The following USH2A variants were observed in gnomAD, a reference collection of about 807,000 sequenced individuals.
USH2A encodes the protein usherin, also known as Usher syndrome 2A (autosomal recessive, mild).
Under a neutral mutation model 538.9 loss-of-function variants are expected in USH2A, and 443 were observed. That is an observed-to-expected ratio of 0.82 (90% CI 0.76 to 0.89). The LOEUF (loss-of-function observed/expected upper bound fraction) is 0.89. USH2A is among the 40% of genes least tolerant of loss of function. The pLI, the probability that USH2A is intolerant of heterozygous loss-of-function variation, is 0.00. For synonymous variants in USH2A, 2,413 were observed against 2,273.5 expected (o/e 1.06, Z -1.75); for missense variants, 6,633 against 6,324.8 (o/e 1.05, Z -1.65).
At chr1:215,711,418 T>G (rs552543473) in intron 61 of USH2A, among the ~76,000 whole-genome samples, 3 of 152,126 alleles carry the variant, frequency 2.0e-5, no homozygotes, top group Non-Finnish European at 4.4e-5. Flanking sequence ...TCTTTCTGCT[T>G]TAGGAAGGAA....
intron 30 of USH2A, among the ~76,000 whole-genome samples, chr1:216,067,263 C>T (rs149507634): frequency 4.3e-4 from 66 of 151,908 alleles, no homozygotes; most frequent in African/African-American, 5.1e-4. Flanking sequence ...GCCTGTCGAG[C>T]GGTGGAGGGT....
At chr1:216,031,241 A>T (rs1214361038) in intron 32 of USH2A, among the ~76,000 whole-genome samples, 1 of 152,060 alleles carries the variant, frequency 6.6e-6, no homozygotes, top group Non-Finnish European at 1.5e-5. Context: ...TGCTTTTATA[A>T]TGATGTCACT....
In USH2A at chr1:216,155,539, C is replaced by A. The variant is rs75146261; in HGVS notation, c.4627+19713G>T. On this transcript the variant is annotated intron_variant, in intron 21 of 71. Transcript: ENST00000307340. Reference sequence around the variant, plus strand: ...TAATACAGGAGGACCATTTTCCATGCTCTTATGATTTCATCTTCAACTTAT... The same window carrying A: ...TAATACAGGAGGACCATTTTCCATGATCTTATGATTTCATCTTCAACTTAT... Among the ~76,000 whole-genome samples the A allele has an allele frequency of 3.0e-3, 458 of 152,242 alleles. 1 individual carries two copies. Among genetic ancestry groups the A allele is most frequent in the African/African-American group, 0.011 (441 of 41,554 alleles).
intron 56 of USH2A, among the ~76,000 whole-genome samples, chr1:215,761,658 T>G (rs897806538): frequency 1.2e-4 from 19 of 152,334 alleles, no homozygotes; most frequent in African/African-American, 4.6e-4. Flanking sequence ...GACTAAGATG[T>G]GGCTCACTTT....
At chr1:216,212,828 C>T (rs2035270167) in intron 15 of USH2A, among the ~76,000 whole-genome samples, 1 of 151,878 alleles carries the variant, frequency 6.6e-6, no homozygotes, top group Non-Finnish European at 1.5e-5. Context: ...ATTCTTACAT[C>T]CCAAGAATTA....
Position 215,889,055 on chromosome 1 carries a change from C to A in USH2A, c.7595-1G>T, listed in dbSNP as rs1553273421. 6.2e-7 allele frequency: 1 copy of A among 1,613,376 alleles called. No homozygotes were observed. The highest frequency in any genetic ancestry group is 1.7e-5 in the Admixed American group (1 of 60,018). On this transcript the variant is annotated splice_acceptor_variant, in intron 40 of 71. Coordinates refer to ENST00000307340, the MANE Select transcript of USH2A (RefSeq NM_206933.4). LOFTEE classifies it high-confidence loss of function. ...ATCGGAGGAACTACAGGTCCAGGTT[C>A]TGTAAAGTAAAATAAATCCAGAAAG...
intron 37 of USH2A, among the ~76,000 whole-genome samples, chr1:215,955,806 G>T (rs1667050314): frequency 6.6e-6 from 1 of 151,952 alleles, no homozygotes; most frequent in South Asian, 2.1e-4. Context: ...GGCTGTTCTT[G>T]GTATATAGAA....
intron 21 of USH2A, among the ~76,000 whole-genome samples, chr1:216,160,173 T>A (rs2034029236): frequency 6.6e-6 from 1 of 151,914 alleles, no homozygotes. Context: ...TTTCTTTTAT[T>A]CAAATATTTT....
chr1:215,848,773 C>T (rs149571303), intron 44 of USH2A, among the ~76,000 whole-genome samples: 1 of 152,134 alleles, frequency 6.6e-6, no homozygotes, highest in Non-Finnish European at 1.5e-5. Flanking sequence ...CTTGGAAGTC[C>T]AAAACATAGA....
At chr1:216,304,200 G>A (rs920579789) in intron 9 of USH2A, among the ~76,000 whole-genome samples, 1 of 151,982 alleles carries the variant, frequency 6.6e-6, no homozygotes, top group African/African-American at 2.4e-5. Context: ...TAGTAGTATA[G>A]TAAGTAGTCC....
intron 49 of USH2A, among the ~76,000 whole-genome samples, chr1:215,812,838 GGTT>G (rs1662734497): frequency 6.6e-6 from 1 of 152,198 alleles, no homozygotes; most frequent in Admixed American, 6.6e-5. Flanking sequence ...TGTCAAAAGA[GGTT>G]GATGCTTTTT....
intron 61 of USH2A, among the ~76,000 whole-genome samples, chr1:215,704,140 C>T (rs1006013780): frequency 6.6e-6 from 1 of 152,224 alleles, no homozygotes; most frequent in Non-Finnish European, 1.5e-5. Context: ...CCATGGGCTG[C>T]ACCCACTGTC....
intron 4 of USH2A, among the ~76,000 whole-genome samples, chr1:216,356,308 T>G (rs1390872511): frequency 6.6e-6 from 1 of 152,118 alleles, no homozygotes. Context: ...CTGGCTGAAC[T>G]TGTTACATTC....
At chr1:215,985,854 C>A (rs1291361396) in intron 35 of USH2A, among the ~76,000 whole-genome samples, 3 of 151,930 alleles carry the variant, frequency 2.0e-5, no homozygotes, top group Non-Finnish European at 2.9e-5. Flanking sequence ...AAACACTGAG[C>A]CAAATGTTTT....
At chr1:216,421,069 C>T (rs1197449705) in intron 2 of USH2A, among the ~76,000 whole-genome samples, 5 of 151,954 alleles carry the variant, frequency 3.3e-5, no homozygotes, top group Admixed American at 6.6e-5. Context: ...TTAAAATCTC[C>T]AGGTTGGCAA....
Position 215,741,515 on chromosome 1 carries a change from C to T in USH2A, c.11571G>A (p.Arg3857=), listed in dbSNP as rs1220012995. ...CQNGSCGVSS[R]MFVKTPEAAP... ...CTGCTTCAGGTGTTTTGACAAACAT[C>T]CTACTGCTAACTCCACAACTTCCTT... is the stretch of plus-strand genomic sequence containing the variant. The change falls in exon 60 of 72, where the codon AGG becomes AGA. Residue 3857 remains arginine (R), a synonymous_variant. Coordinates refer to ENST00000307340, the MANE Select transcript of USH2A (RefSeq NM_206933.4). The T allele has an allele frequency of 2.5e-6, 4 of 1,613,048 alleles. No homozygotes were observed. The highest frequency in any genetic ancestry group is 2.5e-6 in the Non-Finnish European group (3 of 1,179,740).
At chr1:215,661,470 C>A (rs1657433248) in intron 64 of USH2A, among the ~76,000 whole-genome samples, 1 of 152,138 alleles carries the variant, frequency 6.6e-6, no homozygotes, top group Non-Finnish European at 1.5e-5. Context: ...TCCCTGGGTA[C>A]TTCAACATCC....
intron 47 of USH2A, among the ~76,000 whole-genome samples, chr1:215,835,025 G>A (rs1287324159): frequency 6.6e-6 from 1 of 150,976 alleles, no homozygotes; most frequent in Non-Finnish European, 1.5e-5. Flanking sequence ...AAGTATGCTG[G>A]TTTTGTTTTA....
chr1:216,044,908 T>C (rs1162579970), intron 32 of USH2A, among the ~76,000 whole-genome samples: 1 of 152,150 alleles, frequency 6.6e-6, no homozygotes, highest in Non-Finnish European at 1.5e-5. Flanking sequence ...ATAAAAGTAA[T>C]TGTTCTTGTC....
Sources: gnomAD v4.1 joint callset for allele counts (sites outside exome capture counted in the v4.1 genomes callset) on GRCh38, gnomAD v4.1.1 for gene constraint, MANE v1.5 for transcripts, NCBI Gene and HGNC (gene_info 2026-07-23, HGNC 2026-07-21) for gene names.